The following PARP1 variants were observed in gnomAD, a reference collection of about 807,000 sequenced individuals.
PARP1 encodes poly(ADP-ribose) polymerase 1.
PARP1 carries 44 observed loss-of-function variants against 118.7 expected under a neutral mutation model. That is an observed-to-expected ratio of 0.37 (90% CI 0.29 to 0.48). PARP1 has a LOEUF of 0.48. PARP1 is among the 20% of genes least tolerant of loss of function. The pLI, the probability that PARP1 is intolerant of heterozygous loss-of-function variation, is 0.99. For missense variants in PARP1, 1,100 were observed against 1,272.4 expected, an observed-to-expected ratio of 0.86 and a Z score of 2.06; for synonymous variants, 492 against 483.2, an observed-to-expected ratio of 1.02 and a Z score of -0.24.
chr1:226,393,569 T>C (rs1178253710), intron 2 of PARP1, among the ~76,000 whole-genome samples: 1 of 152,216 alleles, frequency 6.6e-6, no homozygotes, highest in Non-Finnish European at 1.5e-5. Context: ...ATGACCTGGA[T>C]GAATCTCACA....
intron 2 of PARP1, chr1:226,401,839 C>T: frequency 3.0e-6 from 2 of 665,168 alleles, no homozygotes; most frequent in South Asian, 4.8e-5. Context: ...GTGTAGGTTC[C>T]TCAATTATAA....
chr1:226,393,958 A>G (rs921641645), intron 2 of PARP1, among the ~76,000 whole-genome samples: 1 of 152,278 alleles, frequency 6.6e-6, no homozygotes, highest in African/African-American at 2.4e-5. Context: ...AAAAAAATAC[A>G]ATAGACAAAA....
chr1:226,389,120 G>C (rs960695287), intron 4 of PARP1, among the ~76,000 whole-genome samples: 21 of 152,202 alleles, frequency 1.4e-4, no homozygotes, highest in African/African-American at 5.1e-4. Context: ...GAAGGTTCTA[G>C]CCGGGACTAG....
chr1:226,407,801 G>T lies in PARP1; in HGVS notation c.120+9C>A, dbSNP rs1393653891. 5 of 1,517,560 alleles carry T rather than the reference G, an allele frequency of 3.3e-6. No homozygotes were observed. The highest frequency in any genetic ancestry group is 1.4e-5 in the African/African-American group (1 of 71,262). 94.0% of individuals were successfully genotyped at this position (1,517,560 alleles called of 1,614,324 possible). A position where few individuals can be genotyped will look rare whatever the true frequency, so the allele number is the denominator to read the frequency against. On this transcript the variant is annotated intron_variant, in intron 1 of 22. Coordinates refer to ENST00000366794, the MANE Select transcript of PARP1 (RefSeq NM_001618.4). ...GTCCCCGCCCCGCCGCCCGCACAGC[G>T]GCCCGCACCTGCACCATGATGGCCA...
Position 226,390,532 on chromosome 1 carries a change from C to A in PARP1, c.495G>T (p.Lys165Asn), listed in dbSNP as rs1368616500. ...DRWYHPGCFV[K>N]NREELGFRPE... ...GCCGGAAACCCAGCTCCTCCCTGTT[C>A]TTGACAAAGCAGCCTGGATGGTACC... is the stretch of plus-strand genomic sequence containing the variant. Residue 165 changes from lysine to asparagine, a missense_variant, in exon 4 of 23, where the codon AAG becomes AAT. Physicochemically the swap from Lys to Asn is moderately conservative, Grantham distance 94. Around this residue, in one of 2 missense-constraint regions of PARP1, gnomAD observed 948 missense variants for 1,031.8 expected, o/e 0.92. Transcript: ENST00000366794. 1 of 1,614,084 alleles carries A rather than the reference C, an allele frequency of 6.2e-7. No homozygotes were observed. Among genetic ancestry groups the A allele is most frequent in the Non-Finnish European group, 8.5e-7 (1 of 1,180,050 alleles).
chr1:226,375,518 T>G (rs1664470633), intron 13 of PARP1, among the ~76,000 whole-genome samples: 1 of 152,186 alleles, frequency 6.6e-6, no homozygotes. Flanking sequence ...TCTGGACTGG[T>G]GCAGCCAGTG....
chr1:226,365,002 C>T lies in PARP1; in HGVS notation c.2658G>A (p.Val886=). Residue 886 remains valine (V), a splice_region_variant and synonymous_variant, in exon 19 of 23, where the codon GTG becomes GTA. Transcript: ENST00000366794. ...GLRIAPPEAP[V]TGYMFGKGIY... The stretch of plus-strand genomic sequence containing the variant: ...ACCCCTCGCCAGGCCAGGCACATAC[C>T]ACGGGCGCTTCAGGCGGGGCTATCC... The T allele has an allele frequency of 1.9e-6, 3 of 1,613,770 alleles. No individual in the cohort carries two copies. The highest frequency in any genetic ancestry group is 1.1e-5 in the South Asian group (1 of 91,062).
At chr1:226,363,182 C>A in intron 20 of PARP1, 22 bp from the exon 21 acceptor site, 1 of 1,568,416 alleles carries the variant, frequency 6.4e-7, no homozygotes, top group Non-Finnish European at 8.8e-7. Flanking sequence ...AGGACAGTCT[C>A]AGAAGAGGCC....
At chr1:226,401,878 G>C in intron 2 of PARP1, 1 of 962,396 alleles carries the variant, frequency 1.0e-6, no homozygotes, top group South Asian at 1.9e-5. Context: ...GGGAGGTGTT[G>C]ACAAGGAAGA....
chr1:226,402,409 G>A (rs2102747336), intron 1 of PARP1, 30 bp from the exon 2 acceptor site: 2 of 1,601,372 alleles, frequency 1.2e-6, no homozygotes, highest in Non-Finnish European at 1.7e-6. Context: ...AGGGAAGTAA[G>A]TAAGCAGTTA....
chr1:226,383,805 G>C (rs1253246399), intron 7 of PARP1, among the ~76,000 whole-genome samples: 1 of 152,176 alleles, frequency 6.6e-6, no homozygotes. Context: ...AATACATGAA[G>C]CTCAGGGAAA....
chr1:226,377,651 T>C (rs570412188), intron 12 of PARP1, among the ~76,000 whole-genome samples: 14 of 152,242 alleles, frequency 9.2e-5, no homozygotes, highest in Admixed American at 4.6e-4. Context: ...AGTCATGTGT[T>C]CAAGGAGTCA....
At chr1:226,389,237 G>A (rs989844717) in intron 4 of PARP1, among the ~76,000 whole-genome samples, 1 of 152,118 alleles carries the variant, frequency 6.6e-6, no homozygotes, top group Non-Finnish European at 1.5e-5. Context: ...GAAAGAGGCT[G>A]CTCACAGAGG....
intron 1 of PARP1, among the ~76,000 whole-genome samples, chr1:226,406,936 A>G (rs574822552): frequency 2.1e-4 from 32 of 152,296 alleles, no homozygotes; most frequent in South Asian, 1.7e-3. Flanking sequence ...CTTGACCATG[A>G]GCACTAAGCT....
At chr1:226,363,838 C>G in intron 20 of PARP1, 105 bp downstream of exon 20, 2 of 1,227,846 alleles carry the variant, frequency 1.6e-6, no homozygotes, top group Non-Finnish European at 2.4e-6. Context: ...CGTCCAGTAA[C>G]TGCAGTGGGG....
intron 1 of PARP1, among the ~76,000 whole-genome samples, chr1:226,405,299 A>G (rs932849404): frequency 1.3e-5 from 2 of 149,152 alleles, no homozygotes; most frequent in African/African-American, 4.9e-5. Flanking sequence ...TGTTATTACT[A>G]TTTTTTTTTT....
intron 7 of PARP1, among the ~76,000 whole-genome samples, chr1:226,383,518 C>T (rs1186616523): frequency 1.3e-5 from 2 of 152,244 alleles, no homozygotes; most frequent in East Asian, 3.8e-4. Flanking sequence ...TACAACCTCC[C>T]TGGCCTCATT....
intron 2 of PARP1, among the ~76,000 whole-genome samples, chr1:226,399,071 A>ATATTT: frequency 7.2e-6 from 1 of 138,464 alleles, no homozygotes; most frequent in Non-Finnish European, 1.5e-5. Context: ...ACATGGAGGA[A>ATATTT]TCTTTTTTTT....
chr1:226,362,891 T>C (rs1664178427), intron 21 of PARP1, among the ~76,000 whole-genome samples: 1 of 149,716 alleles, frequency 6.7e-6, no homozygotes. Context: ...AAAATGAACC[T>C]CCAATCATGG....
Sources: allele counts gnomAD v4.1 joint callset (sites outside exome capture counted in the v4.1 genomes callset), GRCh38; gene constraint gnomAD v4.1.1; regional missense constraint gnomAD v4.1.1; transcripts MANE v1.5; gene names NCBI Gene and HGNC (gene_info 2026-07-23, HGNC 2026-07-21).